PARP10: variants seen among roughly 807,000 people sequenced by gnomAD.
The protein encoded by PARP10 is protein mono-ADP-ribosyltransferase PARP10.
PARP10 carries 56 observed loss-of-function variants against 82.4 expected under a neutral mutation model. That is an observed-to-expected ratio of 0.68 (90% CI 0.55 to 0.85). The LOEUF (loss-of-function observed/expected upper bound fraction) is 0.85, where lower values mean the gene tolerates loss of function less well. PARP10 is among the 40% of genes least tolerant of loss of function. The pLI is 0.00. For synonymous variants in PARP10, 576 were observed against 601.1 expected (o/e 0.96, Z 0.61); for missense variants, 1,227 against 1,379.4 (o/e 0.89, Z 1.75).
intron 1 of PARP10, among the ~76,000 whole-genome samples, chr8:144,005,151 C>T (rs1834227092): frequency 6.6e-6 from 1 of 150,906 alleles, no homozygotes; most frequent in Non-Finnish European, 1.5e-5. Flanking sequence ...TGCACTGCAG[C>T]CTGGGTGACA....
intron 1 of PARP10, among the ~76,000 whole-genome samples, chr8:144,004,340 G>A (rs1225265789): frequency 1.3e-5 from 2 of 152,128 alleles, no homozygotes; most frequent in African/African-American, 2.4e-5. Context: ...AGGACTGCGG[G>A]GAGGGGAAAG....
rs187480767 is a variant in PARP10 at position 144,005,306 on chromosome 8, G to A, written c.-80+7224C>T. On this transcript the variant is annotated intron_variant, in intron 1 of 3. Transcript: ENST00000530478. ...AGGAAGTGAGAGGAGAAAGCAAGGA[G>A]GCCTGGAATTTACCCTGAGGCCTCA... Among the ~76,000 whole-genome samples the A allele has an allele frequency of 1.8e-3, 272 of 152,170 alleles. 4 individuals carry two copies. Among genetic ancestry groups the A allele is most frequent in the Middle Eastern group, 3.4e-3 (1 of 292 alleles).
At chr8:143,997,500 G>T (rs1834171878) in intron 1 of PARP10, among the ~76,000 whole-genome samples, 2 of 152,072 alleles carry the variant, frequency 1.3e-5, no homozygotes, top group Admixed American at 1.3e-4. Context: ...TCTCAACTTT[G>T]TGCCCTTCCC....
intron 1 of PARP10, among the ~76,000 whole-genome samples, chr8:144,005,226 G>A (rs1834227656): frequency 6.6e-6 from 1 of 151,936 alleles, no homozygotes; most frequent in South Asian, 2.1e-4. Context: ...GAGCATCGGG[G>A]AGGGACCAGC....
chr8:144,003,124 A>G (rs539866806), intron 1 of PARP10, among the ~76,000 whole-genome samples: 2 of 152,306 alleles, frequency 1.3e-5, no homozygotes, highest in African/African-American at 4.8e-5. Context: ...ACAAACAACT[A>G]AAAAATGTTA....
intron 1 of PARP10, chr8:144,012,472 G>A (rs578182923): frequency 1.3e-6 from 2 of 1,528,828 alleles, no homozygotes; most frequent in South Asian, 2.4e-5. Context: ...GCCTCCAGGT[G>A]CAGTGCCCTC....
At chr8:144,010,477 A>C (rs558187037) in intron 1 of PARP10, among the ~76,000 whole-genome samples, 94 of 152,340 alleles carry the variant, frequency 6.2e-4, no homozygotes, top group Non-Finnish European at 1.0e-3. Context: ...GAGGCTGGCA[A>C]GTCCAAAATC....
upstream of PARP10, among the ~76,000 whole-genome samples, chr8:143,988,527 A>G (rs1834039830): frequency 6.7e-6 from 1 of 148,946 alleles, no homozygotes; most frequent in Non-Finnish European, 1.5e-5. Flanking sequence ...GTGCGGTGGC[A>G]CGATCTCAGC....
At position 143,985,809 on chromosome 8, in the gene PARP10, C is replaced by G; in HGVS notation, c.348G>C (p.Ser116=). 1.9e-6 allele frequency: 3 copies of G among 1,611,996 alleles called. No individual in the cohort carries two copies. The highest frequency in any genetic ancestry group is 2.5e-6 in the Non-Finnish European group (3 of 1,179,580). The change falls in exon 3 of 11, where the codon TCG becomes TCC. Residue 116 remains serine, a synonymous_variant. Coordinates refer to ENST00000313028, the MANE Select transcript of PARP10 (RefSeq NM_032789.5). ...EQHVQALLRA[S]GLPVQPCCAL... is the part of the protein sequence containing the mutation. ...CACAGCAAGGCTGTACTGGGAGCCC[C>G]GAGGCCCGCAGCAAGGCCTGGACAT...
Position 143,983,428 on chromosome 8 carries a change from C to A in PARP10, c.2161G>T (p.Glu721Ter), listed in dbSNP as rs1833910184. 6.2e-7 allele frequency: 1 copy of A among 1,604,976 alleles called. No homozygotes were observed. Among genetic ancestry groups the A allele is most frequent in the African/African-American group, 1.3e-5 (1 of 74,922 alleles). Residue 721 changes from glutamate (E) to a stop codon, truncating the protein, a stop_gained, in exon 8 of 11, where the codon GAG becomes TAG. Coordinates refer to ENST00000313028, the MANE Select transcript of PARP10 (RefSeq NM_032789.5). LOFTEE classifies it high-confidence loss of function. ...VHSAFEQDVE[E>*]LDRALRAALE... Reference sequence around the variant, plus strand: ...GCAGCCCTGAGCGCCCGGTCCAGCTCCTCCACATCCTGCTCAAAGGCCGAG... The same window carrying A: ...GCAGCCCTGAGCGCCCGGTCCAGCTACTCCACATCCTGCTCAAAGGCCGAG...
At position 143,985,278 on chromosome 8, in the gene PARP10, T is replaced by C. The variant is rs782106966; in HGVS notation, c.724A>G (p.Ser242Gly). The C allele has an allele frequency of 6.2e-7, 1 of 1,613,594 alleles. No individual in the cohort carries two copies. The highest frequency in any genetic ancestry group is 1.1e-5 in the South Asian group (1 of 91,012). ...AGGATGTCGTAGTGGGGGACAAGGC[T>C]CAGCTCTGAGCCCTGCAACCGGTGC... ...QEHRLQGSEL[S>G]LVPHYDILEP... is the part of the protein sequence containing the mutation. Residue 242 changes from serine to glycine, a missense_variant, in exon 5 of 11, where the codon AGC (serine) becomes GGC (glycine). By Grantham distance (56) the Ser-to-Gly change is moderately conservative. Coordinates refer to ENST00000313028, the MANE Select transcript of PARP10 (RefSeq NM_032789.5).
At chr8:143,991,360 C>T, upstream of PARP10, 1 of 1,254,632 alleles carries the variant, frequency 8.0e-7, no homozygotes, top group Non-Finnish European at 1.1e-6. Context: ...CCACAGCCCC[C>T]TTTCCAGCCC....
intron 1 of PARP10, chr8:144,012,437 C>T: frequency 1.5e-6 from 2 of 1,316,682 alleles, no homozygotes; most frequent in Non-Finnish European, 2.1e-6. Context: ...TCCTTCAGCC[C>T]AGGCAAGGCC....
At chr8:143,999,738 C>T (rs1292091646) in intron 1 of PARP10, among the ~76,000 whole-genome samples, 2 of 151,342 alleles carry the variant, frequency 1.3e-5, no homozygotes, top group South Asian at 2.1e-4. Context: ...TGCACTGGCT[C>T]GAATTGAGCT....
upstream of PARP10, among the ~76,000 whole-genome samples, chr8:143,994,373 T>G (rs910264917): frequency 2.8e-4 from 43 of 152,064 alleles, no homozygotes; most frequent in Admixed American, 2.6e-3. Flanking sequence ...TCACCTGGCC[T>G]CCTCGCCTGC....
At position 143,982,138 on chromosome 8, in the gene PARP10, T is replaced by C. The variant is rs552886621; in HGVS notation, c.2556+794A>G. ...AGCTCCTGGTGGAGGGTGATGCTGC[T>C]GGCCCCACGCACAACTTTGGGCATC... is the stretch of plus-strand genomic sequence containing the variant. On this transcript the variant is annotated intron_variant, in intron 9 of 10. Coordinates refer to ENST00000313028, the MANE Select transcript of PARP10 (RefSeq NM_032789.5). 5.6e-4 allele frequency among the ~76,000 whole-genome samples: 86 copies of C among 152,240 alleles called. 2 individuals carry two copies. The highest frequency in any genetic ancestry group is 1.7e-3 in the African/African-American group (72 of 41,528).
At chr8:144,001,871 TAC>T (rs782631386) in intron 1 of PARP10, among the ~76,000 whole-genome samples, 1,793 of 147,104 alleles carry the variant, frequency 0.012, 23 homozygotes, top group Non-Finnish European at 0.016. Context: ...TAAATATATA[TAC>T]GTGTGTGTGT....
At chr8:143,993,091 C>T (rs1554750882), upstream of PARP10, 3 of 498,480 alleles carry the variant, frequency 6.0e-6, no homozygotes, top group Non-Finnish European at 3.6e-6. Flanking sequence ...TCCGTGCCAC[C>T]TCCTGTCTAC....
At position 143,986,353 on chromosome 8, in the gene PARP10, C is replaced by T. The variant is rs1554749397; in HGVS notation, c.2+5G>A. On this transcript the variant is annotated splice_donor_5th_base_variant and intron_variant, in intron 1 of 10. Coordinates refer to ENST00000313028, the MANE Select transcript of PARP10 (RefSeq NM_032789.5). ...ATTATGGGTGGCCCCACATACAGCACTTACATTCCCCGTGGCCGCTAGGCA... is the reference window on the plus strand; with the variant it reads ...ATTATGGGTGGCCCCACATACAGCATTTACATTCCCCGTGGCCGCTAGGCA... The T allele has an allele frequency of 6.8e-6, 11 of 1,614,058 alleles. No homozygotes were observed. The highest frequency in any genetic ancestry group is 1.3e-5 in the African/African-American group (1 of 74,934).
Sources: gnomAD v4.1 joint callset for allele counts (sites outside exome capture counted in the v4.1 genomes callset) on GRCh38, gnomAD v4.1.1 for gene constraint, MANE v1.5 for transcripts, NCBI Gene and HGNC (gene_info 2026-07-23, HGNC 2026-07-21) for gene names.